The following ITGB3 variants were observed in gnomAD, a reference collection of about 807,000 sequenced individuals.
ITGB3 encodes the protein integrin subunit beta 3.
ITGB3 carries 48 observed loss-of-function variants against 85.8 expected under a neutral mutation model. The observed-to-expected ratio is 0.56, with a 90% CI of 0.44 to 0.71. The LOEUF (loss-of-function observed/expected upper bound fraction) is 0.71. Among genes scored for constraint, ITGB3 ranks in the 30% least tolerant of loss-of-function variants. The pLI, the probability that ITGB3 is intolerant of heterozygous loss-of-function variation, is 0.00. For synonymous variants in ITGB3, 363 were observed against 395.6 expected, an observed-to-expected ratio of 0.92 and a Z score of 0.98; for missense variants, 861 against 1,019.1, an observed-to-expected ratio of 0.84 and a Z score of 2.11.
At chr17:47,275,990 C>G (rs2065062477) in intron 2 of ITGB3, among the ~76,000 whole-genome samples, 1 of 152,148 alleles carries the variant, frequency 6.6e-6, no homozygotes, top group Admixed American at 6.5e-5. Flanking sequence ...CGTGATATTA[C>G]TAAAGCTTCT....
chr17:47,310,463 T>C lies in ITGB3; in HGVS notation c.*259T>C, dbSNP rs2065209776. ...CTGATAAGCTGAGCTCCTTAGCCTTTGTCCCAGAATGCCTCCTGCAGGGAT... is the reference window on the plus strand; with the variant it reads ...CTGATAAGCTGAGCTCCTTAGCCTTCGTCCCAGAATGCCTCCTGCAGGGAT... On this transcript the variant is annotated 3_prime_UTR_variant, in exon 15 of 15. Transcript: ENST00000559488. 4 of 552,458 alleles carry C rather than the reference T, an allele frequency of 7.2e-6. No individual in the cohort carries two copies. Among genetic ancestry groups the C allele is most frequent in the Non-Finnish European group, 1.3e-5 (4 of 298,676 alleles). The allele number at this position is 552,458 out of a possible 1,614,324, so 34.2% of individuals were successfully genotyped here.
intron 6 of ITGB3, among the ~76,000 whole-genome samples, chr17:47,287,601 CAG>C (rs2143100170): frequency 6.6e-6 from 1 of 151,946 alleles, no homozygotes; most frequent in South Asian, 2.1e-4. Context: ...TGGAAGAAGA[CAG>C]AGGAAAAAAA....
rs376896503 is a variant in ITGB3, at chr17:47,280,404, T to C, written c.166-2950T>C. ...TGGGGTCTCACTCTGTCACCCAGAC[T>C]GGGGTGCAGTGGTGTGATCTTGGCT... is the stretch of plus-strand genomic sequence containing the variant. On this transcript the variant is annotated intron_variant, in intron 2 of 14. Transcript: ENST00000559488. Among the ~76,000 whole-genome samples the C allele has an allele frequency of 4.3e-4, 65 of 152,286 alleles. No homozygotes were observed. In the East Asian group the frequency reaches 0.01, roughly 24 times the overall value.
At chr17:47,281,599 C>T (rs2065083977) in intron 2 of ITGB3, among the ~76,000 whole-genome samples, 1 of 152,094 alleles carries the variant, frequency 6.6e-6, no homozygotes, top group Non-Finnish European at 1.5e-5. Flanking sequence ...CACCCAGAGC[C>T]CCAGGGGGCC....
At chr17:47,264,248 C>T (rs1246226223) in intron 1 of ITGB3, among the ~76,000 whole-genome samples, 3 of 152,140 alleles carry the variant, frequency 2.0e-5, no homozygotes, top group Non-Finnish European at 4.4e-5. Flanking sequence ...GGCAGCTTTG[C>T]TCTGTTTAAA....
chr17:47,296,810 T>C (rs2065147618), intron 10 of ITGB3, among the ~76,000 whole-genome samples: 2 of 152,144 alleles, frequency 1.3e-5, no homozygotes, highest in Non-Finnish European at 2.9e-5. Context: ...GAAATCACAT[T>C]TTACAAAGAG....
At position 47,291,284 on chromosome 17, in the gene ITGB3, T is replaced by TAAGCCATTTC. The variant is rs1429779054; in HGVS notation, c.1260+197_1260+206dup. The TAAGCCATTTC allele has an allele frequency of 1.1e-4, 69 of 643,152 alleles. 1 individual carries two copies. The highest frequency in any genetic ancestry group is 1.3e-5 in the Non-Finnish European group (5 of 371,554). 39.8% of individuals were successfully genotyped at this position (643,152 alleles called of 1,614,324 possible). On this transcript the variant is annotated intron_variant, in intron 9 of 14. Coordinates refer to ENST00000559488, the MANE Select transcript of ITGB3 (RefSeq NM_000212.3). ...CTTTTCCTCTGAGGCTTCTGTTGCGTAAGCCATTTCTGTTACGTGAACTTC... is the reference window on the plus strand; with the variant it reads ...CTTTTCCTCTGAGGCTTCTGTTGCGTAAGCCATTTCAAGCCATTTCTGTTACGTGAACTTC...
intron 6 of ITGB3, among the ~76,000 whole-genome samples, chr17:47,288,881 C>T (rs1331767753): frequency 6.6e-6 from 1 of 152,206 alleles, no homozygotes; most frequent in Non-Finnish European, 1.5e-5. Flanking sequence ...GGGTGTGGCA[C>T]AGCCAATGTG....
intron 2 of ITGB3, among the ~76,000 whole-genome samples, chr17:47,277,687 C>T (rs1231110040): frequency 6.6e-6 from 1 of 152,020 alleles, no homozygotes; most frequent in Non-Finnish European, 1.5e-5. Flanking sequence ...TTTGGCAACC[C>T]TACAGTGGAG....
intron 1 of ITGB3, among the ~76,000 whole-genome samples, chr17:47,264,501 C>A (rs1428768703): frequency 1.3e-5 from 2 of 152,196 alleles, no homozygotes; most frequent in Admixed American, 6.5e-5. Context: ...TCCCTTCTTT[C>A]TGTCTTGCAC....
chr17:47,268,547 A>T (rs952732663), intron 1 of ITGB3, among the ~76,000 whole-genome samples: 1 of 152,238 alleles, frequency 6.6e-6, no homozygotes, highest in African/African-American at 2.4e-5. Flanking sequence ...CCAGCAGGAC[A>T]GTCAAATCTT....
intron 1 of ITGB3, among the ~76,000 whole-genome samples, chr17:47,271,681 G>A (rs144619869): frequency 1.3e-5 from 2 of 152,298 alleles, no homozygotes; most frequent in African/African-American, 2.4e-5. Context: ...TTAAAATGTT[G>A]TCTTAGCCAG....
intron 1 of ITGB3, among the ~76,000 whole-genome samples, chr17:47,274,183 G>A (rs1190852267): frequency 6.6e-6 from 1 of 152,258 alleles, no homozygotes; most frequent in Non-Finnish European, 1.5e-5. Context: ...CCTGTCACTT[G>A]TTACCACTGT....
chr17:47,303,598 T>G (rs76134103), intron 13 of ITGB3: 6,432 of 152,424 alleles, frequency 0.042, 200 homozygotes, highest in Middle Eastern at 0.16. Context: ...CCTTTCCAAG[T>G]TTACTGCAGG....
At chr17:47,291,302 T>G in intron 9 of ITGB3, 1 of 617,058 alleles carries the variant, frequency 1.6e-6, no homozygotes, top group Non-Finnish European at 2.8e-6. Context: ...TTCTGTTACG[T>G]GAACTTCACT....
chr17:47,294,841 G>C (rs986246463), intron 10 of ITGB3, among the ~76,000 whole-genome samples: 16 of 152,194 alleles, frequency 1.1e-4, no homozygotes, highest in African/African-American at 3.9e-4. Flanking sequence ...GCTATAAGCA[G>C]GGGCTCAGGA....
At chr17:47,254,037 C>T in intron 1 of ITGB3, 97 bp downstream of exon 1, 1 of 789,458 alleles carries the variant, frequency 1.3e-6, no homozygotes, top group Non-Finnish European at 1.8e-6. Context: ...GAGGGCTGGT[C>T]CCGCGCGTCT....
chr17:47,265,930 A>G (rs1481960950), intron 1 of ITGB3, among the ~76,000 whole-genome samples: 5 of 152,180 alleles, frequency 3.3e-5, no homozygotes, highest in African/African-American at 1.2e-4. Flanking sequence ...GCACAGAGGT[A>G]TGTGTTACCC....
Position 47,310,843 on chromosome 17 carries a change from G to A in ITGB3, c.*639G>A, listed in dbSNP as rs17225109. On this transcript the variant is annotated 3_prime_UTR_variant, in exon 15 of 15. Transcript: ENST00000559488. ...CCCTCAACCCAGCTATGGTTCTCTCGCAAGGGAAGTCCTTGCAAGCTAATT... is the reference window on the plus strand; with the variant it reads ...CCCTCAACCCAGCTATGGTTCTCTCACAAGGGAAGTCCTTGCAAGCTAATT... The A allele has an allele frequency of 0.035, 5,802 of 163,764 alleles. 179 individuals are homozygous for A. The highest frequency in any genetic ancestry group is 0.054 in the Non-Finnish European group (3,953 of 73,358). 10.1% of individuals were successfully genotyped at this position (163,764 alleles called of 1,614,324 possible).
Sources: gnomAD v4.1 joint callset for allele counts (sites outside exome capture counted in the v4.1 genomes callset) on GRCh38, gnomAD v4.1.1 for gene constraint, MANE v1.5 for transcripts, NCBI Gene and HGNC (gene_info 2026-07-23, HGNC 2026-07-21) for gene names.